Variants in BTF3L4 observed in about 807,000 individuals in gnomAD.
BTF3L4 encodes transcription factor BTF3 homolog 4.
BTF3L4 carries 6 observed loss-of-function variants against 16.8 expected under a neutral mutation model. The observed-to-expected ratio is 0.36, with a 90% CI of 0.20 to 0.71. The LOEUF (loss-of-function observed/expected upper bound fraction) is 0.71, where lower values mean the gene tolerates loss of function less well. Ranked by LOEUF, BTF3L4 falls within the 30% of genes least tolerant of loss-of-function variation. The pLI is 0.58. For synonymous variants in BTF3L4, 39 were observed against 59.8 expected (o/e 0.65, Z 1.60); for missense variants, 92 against 186.9 (o/e 0.49, Z 2.96).
At chr1:52,078,983 TACTC>T (rs1431214839) in intron 3 of BTF3L4, among the ~76,000 whole-genome samples, 1 of 152,202 alleles carries the variant, frequency 6.6e-6, no homozygotes, top group African/African-American at 2.4e-5. Context: ...TTATATGGCT[TACTC>T]AAACCACACA....
Position 52,083,409 on chromosome 1 carries a change from G to C in BTF3L4, c.238G>C (p.Ala80Pro). ...TCCCAAAGTCCAAGCTTCCCTTTCT[G>C]CTAATACCTTTGCAATTACTGGTCA... ...NNPKVQASLS[A>P]NTFAITGHAE... Residue 80 changes from alanine (A) to proline (P), a missense_variant, in exon 4 of 6, where the codon GCT (alanine) becomes CCT (proline). Ala to Pro is a conservative substitution (Grantham distance 27, BLOSUM62 -1). Coordinates refer to ENST00000313334, the MANE Select transcript of BTF3L4 (RefSeq NM_152265.5). 1.2e-6 allele frequency: 2 copies of C among 1,611,290 alleles called. No homozygotes were observed. Among genetic ancestry groups the C allele is most frequent in the Admixed American group, 3.3e-5 (2 of 59,992 alleles).
At chr1:52,073,488 C>CACACA (rs1488574781) in intron 3 of BTF3L4, among the ~76,000 whole-genome samples, 2 of 87,298 alleles carry the variant, frequency 2.3e-5, no homozygotes, top group African/African-American at 9.1e-5. Context: ...TATATATATG[C>CACACA]TACATACACA....
intron 3 of BTF3L4, among the ~76,000 whole-genome samples, chr1:52,065,639 G>A (rs1686628504): frequency 6.6e-6 from 1 of 152,132 alleles, no homozygotes; most frequent in Non-Finnish European, 1.5e-5. Context: ...TAATGCACCT[G>A]TATATTTTAC....
Position 52,070,465 on chromosome 1 carries a change from A to G in BTF3L4, c.168+5527A>G, listed in dbSNP as rs1391262383. Among the ~76,000 whole-genome samples, 20 of 145,976 alleles carry G rather than the reference A, an allele frequency of 1.4e-4. No individual in the cohort carries two copies. In the Admixed American group the frequency reaches 1.4e-3, roughly 10 times the overall value. ...GGATAGGACTTCAGGAGGCTGAGGC[A>G]GGGGAATCGCTTGAACCCTGGAGGC... is the stretch of plus-strand genomic sequence containing the variant. On this transcript the variant is annotated intron_variant, in intron 3 of 5. Transcript: ENST00000313334.
At chr1:52,066,966 G>A (rs1686668129) in intron 3 of BTF3L4, among the ~76,000 whole-genome samples, 2 of 152,160 alleles carry the variant, frequency 1.3e-5, no homozygotes, top group Non-Finnish European at 2.9e-5. Context: ...GCTGGGCGCA[G>A]TGGCTCACAC....
At chr1:52,067,844 G>A (rs531845182) in intron 3 of BTF3L4, among the ~76,000 whole-genome samples, 6 of 152,250 alleles carry the variant, frequency 3.9e-5, no homozygotes, top group Middle Eastern at 3.4e-3. Context: ...TGCATTACAG[G>A]ATATTTAGCA....
intron 4 of BTF3L4, among the ~76,000 whole-genome samples, chr1:52,084,396 C>T (rs911152967): frequency 6.6e-6 from 1 of 152,080 alleles, no homozygotes; most frequent in Non-Finnish European, 1.5e-5. Flanking sequence ...ACCTACCTAC[C>T]GCCTCCCAAT....
intron 3 of BTF3L4, among the ~76,000 whole-genome samples, chr1:52,078,027 C>T (rs747894999): frequency 1.1e-4 from 17 of 151,952 alleles, no homozygotes; most frequent in Non-Finnish European, 2.4e-4. Context: ...TTAATGTGAC[C>T]CATCATCTAG....
At chr1:52,061,542 AG>A (rs1168069098) in intron 2 of BTF3L4, among the ~76,000 whole-genome samples, 1 of 151,780 alleles carries the variant, frequency 6.6e-6, no homozygotes, top group African/African-American at 2.4e-5. Flanking sequence ...TAGAGTAAAA[AG>A]GGTTGTCATT....
intron 2 of BTF3L4, among the ~76,000 whole-genome samples, chr1:52,062,230 C>T (rs1686533069): frequency 9.3e-6 from 1 of 107,184 alleles, no homozygotes; most frequent in Non-Finnish European, 1.7e-5. Context: ...GAGACGGAGT[C>T]TCACTCTGTC....
intron 3 of BTF3L4, among the ~76,000 whole-genome samples, chr1:52,077,544 C>T (rs538419124): frequency 1.6e-4 from 24 of 152,116 alleles, no homozygotes; most frequent in Admixed American, 1.5e-3. Flanking sequence ...GGTGACAGAG[C>T]GAGACTCCAT....
At chr1:52,085,011 A>ATTTT (rs1643957996) in intron 4 of BTF3L4, among the ~76,000 whole-genome samples, 2 of 131,224 alleles carry the variant, frequency 1.5e-5, no homozygotes, top group Admixed American at 8.7e-5. Flanking sequence ...AATGAAAAAA[A>ATTTT]TCTTTTTTTT....
chr1:52,075,871 GC>G (rs1294111902), intron 3 of BTF3L4, among the ~76,000 whole-genome samples: 1 of 151,876 alleles, frequency 6.6e-6, no homozygotes, highest in Non-Finnish European at 1.5e-5. Context: ...TATCATGTTG[GC>G]CAGGCTGGCC....
chr1:52,074,636 A>G (rs1002174080), intron 3 of BTF3L4, among the ~76,000 whole-genome samples: 1 of 151,910 alleles, frequency 6.6e-6, no homozygotes, highest in South Asian at 2.1e-4. Context: ...TGCTAGGATT[A>G]CAGGTGTAAG....
Position 52,086,883 on chromosome 1 carries a change from A to T in BTF3L4, c.*125A>T. On this transcript the variant is annotated 3_prime_UTR_variant, in exon 6 of 6. Coordinates refer to ENST00000313334, the MANE Select transcript of BTF3L4 (RefSeq NM_152265.5). ...AGTAATATAAATATTTTGTATATTA[A>T]TAATGCTGTTTGTTCAGCATTTTTC... 2 of 492,130 alleles carry T rather than the reference A, an allele frequency of 4.1e-6. No individual in the cohort carries two copies. The highest frequency in any genetic ancestry group is 3.6e-6 in the Non-Finnish European group (1 of 278,838). 30.5% of individuals were successfully genotyped at this position (492,130 alleles called of 1,614,324 possible). A position where few individuals can be genotyped will look rare whatever the true frequency, so the allele number is the denominator to read the frequency against.
intron 3 of BTF3L4, among the ~76,000 whole-genome samples, chr1:52,072,910 T>A (rs1686826318): frequency 6.6e-6 from 1 of 152,144 alleles, no homozygotes; most frequent in Non-Finnish European, 1.5e-5. Context: ...ATACAAAAAT[T>A]AGCCACGTGT....
chr1:52,082,116 A>G (rs569205363), intron 3 of BTF3L4, among the ~76,000 whole-genome samples: 8 of 152,340 alleles, frequency 5.3e-5, no homozygotes, highest in East Asian at 1.9e-4. Flanking sequence ...AGGGGAATCA[A>G]CTACATAGTG....
intron 3 of BTF3L4, among the ~76,000 whole-genome samples, chr1:52,074,801 G>A (rs1217237795): frequency 6.6e-5 from 10 of 151,948 alleles, no homozygotes; most frequent in African/African-American, 1.9e-4. Flanking sequence ...GAGCCACTGC[G>A]TCCGGCTTGT....
chr1:52,080,565 ACT>A (rs1643908871), intron 3 of BTF3L4, among the ~76,000 whole-genome samples: 2 of 101,024 alleles, frequency 2.0e-5, no homozygotes. Context: ...ACGGAGTCTG[ACT>A]CTGTTGCCCA....
Sources: gnomAD v4.1 joint callset for allele counts (sites outside exome capture counted in the v4.1 genomes callset) on GRCh38, gnomAD v4.1.1 for gene constraint, MANE v1.5 for transcripts, NCBI Gene and HGNC (gene_info 2026-07-23, HGNC 2026-07-21) for gene names.